CELF2: variants seen among roughly 807,000 people sequenced by gnomAD.
The protein encoded by CELF2 is CUGBP Elav-like family member 2, also known as CUG triplet repeat RNA-binding protein 2.
A neutral mutation model predicts 62.6 loss-of-function variants in CELF2; 8 were observed. That is an observed-to-expected ratio of 0.13 (90% CI 0.07 to 0.23). CELF2 has a LOEUF of 0.23. Ranked by LOEUF, CELF2 falls within the 10% of genes least tolerant of loss-of-function variation. The probability of loss-of-function intolerance (pLI) is 1.00; values close to 1 mark genes in which losing one functional copy is unlikely to be tolerated. For synonymous variants in CELF2, 258 were observed against 250.0 expected (o/e 1.03, Z -0.30); for missense variants, 333 against 671.0 (o/e 0.50, Z 5.56).
chr10:11,083,992 G>C (rs1818114101), intron 1 of CELF2, among the ~76,000 whole-genome samples: 1 of 152,174 alleles, frequency 6.6e-6, no homozygotes, highest in South Asian at 2.1e-4. Flanking sequence ...CAGGGGCCCA[G>C]ACCCCACTAT....
chr10:10,697,833 G>T, the CELF2 span, among the ~76,000 whole-genome samples: 1 of 152,002 alleles, frequency 6.6e-6, no homozygotes, highest in Admixed American at 6.5e-5. Context: ...TGTCACCCAG[G>T]CTGGAGTCCA....
chr10:11,151,575 G>A (rs775084332), intron 1 of CELF2, among the ~76,000 whole-genome samples: 33 of 152,090 alleles, frequency 2.2e-4, no homozygotes, highest in Non-Finnish European at 4.3e-4. Context: ...GTATACACAG[G>A]GGACCCTATG....
chr10:10,920,988 G>A (rs556467962), intron 2 of CELF2, among the ~76,000 whole-genome samples: 5 of 152,204 alleles, frequency 3.3e-5, no homozygotes, highest in Admixed American at 1.3e-4. Flanking sequence ...AGAATCTCAC[G>A]CTTTCACCCA....
At chr10:10,880,620 A>T (rs1288106914) in intron 1 of CELF2, among the ~76,000 whole-genome samples, 1 of 152,206 alleles carries the variant, frequency 6.6e-6, no homozygotes, top group African/African-American at 2.4e-5. Flanking sequence ...AGGAAGGCAT[A>T]ATTTCTGAAG....
upstream of CELF2, among the ~76,000 whole-genome samples, chr10:11,015,262 G>A (rs1226710915): frequency 6.6e-6 from 1 of 152,062 alleles, no homozygotes; most frequent in Non-Finnish European, 1.5e-5. This position sits in a 1 kb window ranked among gnomAD's most constrained non-coding sequence, Gnocchi z 4.8. Flanking sequence ...TCATCGGGTG[G>A]TATTTGGTTG....
At chr10:10,624,911 G>T in the CELF2 span, among the ~76,000 whole-genome samples, 1 of 152,212 alleles carries the variant, frequency 6.6e-6, no homozygotes, top group African/African-American at 2.4e-5. Flanking sequence ...TCCTCGTGCT[G>T]CTACTTTTGT....
chr10:10,961,956 C>A (rs994399731), intron 2 of CELF2, among the ~76,000 whole-genome samples: 1 of 151,766 alleles, frequency 6.6e-6, no homozygotes, highest in Non-Finnish European at 1.5e-5. Context: ...CAGCCAGGTG[C>A]GGTGACTCAT....
chr10:10,567,056 C>A, the CELF2 span, among the ~76,000 whole-genome samples: 1 of 152,078 alleles, frequency 6.6e-6, no homozygotes, highest in African/African-American at 2.4e-5. Flanking sequence ...GATGTTTATG[C>A]AGAAAAGGAC....
chr10:11,196,231 C>G (rs1046557871), intron 2 of CELF2, among the ~76,000 whole-genome samples: 1 of 152,230 alleles, frequency 6.6e-6, no homozygotes, highest in East Asian at 1.9e-4. Flanking sequence ...GCGTCTTTCT[C>G]GAGGAAGAAA....
chr10:11,230,030 T>C (rs34474220), intron 3 of CELF2, among the ~76,000 whole-genome samples: 10,472 of 152,276 alleles, frequency 0.069, 478 homozygotes, highest in Non-Finnish European at 0.1. Flanking sequence ...CATCTGGATG[T>C]ACAGGCACTG....
At chr10:10,774,543 G>T in the CELF2 span, among the ~76,000 whole-genome samples, 1 of 152,162 alleles carries the variant, frequency 6.6e-6, no homozygotes, top group Non-Finnish European at 1.5e-5. Context: ...CACCTTCCCT[G>T]CCCCCGCTCT....
the CELF2 span, among the ~76,000 whole-genome samples, chr10:10,686,128 C>T: frequency 1.3e-5 from 2 of 152,064 alleles, no homozygotes; most frequent in South Asian, 4.2e-4. Context: ...AAGATGATTT[C>T]GTTGTTGGCA....
intron 2 of CELF2, among the ~76,000 whole-genome samples, chr10:11,180,546 G>A (rs189172755): frequency 2.0e-5 from 3 of 152,134 alleles, no homozygotes; most frequent in Admixed American, 6.5e-5. Flanking sequence ...ACATGAAGGG[G>A]GCCCTTCCAG....
At chr10:11,096,807 A>G (rs1040751442) in intron 1 of CELF2, among the ~76,000 whole-genome samples, 6 of 152,228 alleles carry the variant, frequency 3.9e-5, no homozygotes, top group Admixed American at 3.9e-4. Flanking sequence ...TCTATCTACC[A>G]GGATGATGGA....
rs947765785 is a variant in CELF2 at position 11,270,004 on chromosome 10, C to T, written c.619-662C>T. Among the ~76,000 whole-genome samples the T allele has an allele frequency of 5.3e-5, 8 of 152,230 alleles. No homozygotes were observed. Among genetic ancestry groups the T allele is most frequent in the Admixed American group, 2.0e-4 (3 of 15,284 alleles). On this transcript the variant is annotated intron_variant, in intron 6 of 12. Transcript: ENST00000633077. The surrounding 1 kb of genome is among the most constrained non-coding windows in gnomAD (Gnocchi z 5.8). ...GGGTTTGCACCAGCTCCAGGGATGG[C>T]GGGTAGCACAGGTGTGCTGAGGGAA...
Position 11,081,801 on chromosome 10 carries a change from A to T in CELF2, c.74+63638A>T, listed in dbSNP as rs538726545. 1.1e-4 allele frequency among the ~76,000 whole-genome samples: 17 copies of T among 152,288 alleles called. 1 individual carries two copies. The South Asian group carries it at 3.5e-3, about 32-fold the overall frequency. Reference sequence around the variant, plus strand: ...AGTGTGTATCAGCTGGGCTTCCTTGATATTCTTTACCTTAAGAAAGAAAGG... The same window carrying T: ...AGTGTGTATCAGCTGGGCTTCCTTGTTATTCTTTACCTTAAGAAAGAAAGG... On this transcript the variant is annotated intron_variant, in intron 1 of 12. Transcript: ENST00000633077.
At chr10:10,910,680 A>G (rs1435554209) in intron 1 of CELF2, among the ~76,000 whole-genome samples, 3 of 140,804 alleles carry the variant, frequency 2.1e-5, no homozygotes, top group African/African-American at 5.3e-5. Flanking sequence ...AACCTGGACT[A>G]CAGAGTGAGA....
chr10:10,550,955 C>T, the CELF2 span, among the ~76,000 whole-genome samples: 1 of 152,158 alleles, frequency 6.6e-6, no homozygotes, highest in Admixed American at 6.5e-5. Flanking sequence ...GCCTTGGTCT[C>T]CCAAAGTGCT....
rs139908111 is a variant in CELF2, at chr10:11,191,800, G to A, written c.272-25625G>A. On this transcript the variant is annotated intron_variant, in intron 2 of 12. Coordinates refer to ENST00000633077, the MANE Select transcript of CELF2 (RefSeq NM_001326342.2). The surrounding 1 kb of genome is among the most constrained non-coding windows in gnomAD (Gnocchi z 4.1). ...AAACGATGATCCAAAATCTGAGTGT[G>A]GAGAAACGGATCCCCAGTGAAGGAG... Among the ~76,000 whole-genome samples, 166 of 152,316 alleles carry A rather than the reference G, an allele frequency of 1.1e-3. No individual in the cohort carries two copies. Among genetic ancestry groups the A allele is most frequent in the African/African-American group, 3.9e-3 (161 of 41,562 alleles).
Sources: gnomAD v4.1 joint callset for allele counts (sites outside exome capture counted in the v4.1 genomes callset) on GRCh38, gnomAD v4.1.1 for gene constraint, Gnocchi (gnomAD v3.1) non-coding constraint, MANE v1.5 for transcripts, NCBI Gene and HGNC (gene_info 2026-07-23, HGNC 2026-07-21) for gene names.